The following PCDHA9 variants were observed in gnomAD, a reference collection of about 807,000 sequenced individuals.
PCDHA9 encodes the protein protocadherin alpha-9.
PCDHA9 carries 62 observed loss-of-function variants against 62.0 expected under a neutral mutation model. The ratio of observed to expected loss-of-function variants is 1.00; its 90% CI spans 0.81 to 1.23. PCDHA9 has a LOEUF of 1.23. PCDHA9 is among the 50% of genes most tolerant of loss of function. The pLI, the probability that PCDHA9 is intolerant of heterozygous loss-of-function variation, is 0.00. For missense variants in PCDHA9, 1,205 were observed against 1,249.8 expected, an observed-to-expected ratio of 0.96 and a Z score of 0.54; for synonymous variants, 557 against 567.6, an observed-to-expected ratio of 0.98 and a Z score of 0.27.
rs1333608076 is a variant in PCDHA9, at chr5:140,848,470, A to C, written c.-26A>C. Reference sequence around the variant, plus strand: ...TTCTAATTTGGAGGCAATTTTCACTAATTAGAAGAAGACTGAGTATTTGAA... The same window carrying C: ...TTCTAATTTGGAGGCAATTTTCACTCATTAGAAGAAGACTGAGTATTTGAA... On this transcript the variant is annotated 5_prime_UTR_variant, in exon 1 of 4. Coordinates refer to ENST00000532602, the MANE Select transcript of PCDHA9 (RefSeq NM_031857.2). 3 of 1,552,738 alleles carry C rather than the reference A, an allele frequency of 1.9e-6. No individual in the cohort carries two copies. In the East Asian group the frequency reaches 6.7e-5, roughly 35 times the overall value.
chr5:140,995,086 T>C (rs1182368049), intron 3 of PCDHA9, among the ~76,000 whole-genome samples: 2 of 152,246 alleles, frequency 1.3e-5, no homozygotes, highest in African/African-American at 4.8e-5. Context: ...TCCAAACTTA[T>C]CTGTGGAGAT....
At chr5:140,982,030 C>G (rs2096963361) in intron 2 of PCDHA9, among the ~76,000 whole-genome samples, 1 of 152,196 alleles carries the variant, frequency 6.6e-6, no homozygotes, top group South Asian at 2.1e-4. Flanking sequence ...TGGAACAATA[C>G]TCCAATTATC....
intron 1 of PCDHA9, chr5:140,876,542 T>C (rs782388773): frequency 5.0e-6 from 8 of 1,614,194 alleles, no homozygotes; most frequent in Non-Finnish European, 5.9e-6. Flanking sequence ...TCACTGTCGC[T>C]CCCTGTGCAA....
intron 1 of PCDHA9, chr5:140,967,577 C>G (rs141338011): frequency 1.2e-6 from 2 of 1,614,016 alleles, no homozygotes; most frequent in Non-Finnish European, 1.7e-6. Flanking sequence ...GGAGGACTCA[C>G]CCCCAGGCAC....
intron 1 of PCDHA9, chr5:140,877,122 G>C: frequency 2.5e-6 from 4 of 1,613,718 alleles, no homozygotes; most frequent in Non-Finnish European, 3.4e-6. Context: ...GCAACGTGAC[G>C]CTGCAGGTGT....
At chr5:140,910,479 A>G (rs2075041093) in intron 1 of PCDHA9, among the ~76,000 whole-genome samples, 1 of 152,212 alleles carries the variant, frequency 6.6e-6, no homozygotes. Context: ...AAAATCTGGC[A>G]TACAGAGAAG....
chr5:140,968,135 G>C (rs2096222877), intron 1 of PCDHA9: 2 of 1,614,034 alleles, frequency 1.2e-6, no homozygotes, highest in Non-Finnish European at 1.7e-6. Flanking sequence ...TACACTGAAG[G>C]TTGAGATCTC....
Position 140,850,831 on chromosome 5 carries a change from G to C in PCDHA9, c.2336G>C (p.Cys779Ser), listed in dbSNP as rs981885351. 6.3e-7 allele frequency: 1 copy of C among 1,598,080 alleles called. No homozygotes were observed. The highest frequency in any genetic ancestry group is 8.6e-7 in the Non-Finnish European group (1 of 1,167,568). Residue 779 changes from cysteine (C) to serine (S), a missense_variant, in exon 1 of 4, where the codon TGT (cysteine) becomes TCT (serine). Physicochemically the swap from Cys to Ser is moderately radical, Grantham distance 112. This residue lies in a region of PCDHA9 where 887 missense variants were observed against 809.5 expected (regional missense o/e 1.10). Transcript: ENST00000532602. ...GCCTTCAGCCCGGGCCTTTCTCCTTGTGCTGGATCTACAGAGCGAACGGGA... is the reference window on the plus strand; with the variant it reads ...GCCTTCAGCCCGGGCCTTTCTCCTTCTGCTGGATCTACAGAGCGAACGGGA... ...LMAFSPGLSP[C>S]AGSTERTGEP...
chr5:140,875,192 C>A, intron 1 of PCDHA9: 2 of 509,100 alleles, frequency 3.9e-6, no homozygotes, highest in Non-Finnish European at 6.3e-6. Context: ...AAGAGTGACC[C>A]AGGAAGTGGC....
chr5:140,929,180 G>A, intron 1 of PCDHA9: 1 of 1,614,150 alleles, frequency 6.2e-7, no homozygotes, highest in Non-Finnish European at 8.5e-7. Context: ...CTGGGACTTG[G>A]TTCTGATAAT....
chr5:140,929,201 T>C (rs146014873), intron 1 of PCDHA9: 3 of 1,614,168 alleles, frequency 1.9e-6, no homozygotes, highest in East Asian at 4.5e-5. Flanking sequence ...AACAGTTTGC[T>C]GTTGCGTGGG....
intron 1 of PCDHA9, among the ~76,000 whole-genome samples, chr5:140,978,737 G>A (rs2096820627): frequency 6.6e-6 from 1 of 152,180 alleles, no homozygotes; most frequent in Admixed American, 6.5e-5. Context: ...GGTCTTCCAG[G>A]GTATCTAATC....
chr5:140,974,467 A>C (rs2096628825), intron 1 of PCDHA9, among the ~76,000 whole-genome samples: 1 of 152,228 alleles, frequency 6.6e-6, no homozygotes, highest in Non-Finnish European at 1.5e-5. Context: ...TTCAGAGGAA[A>C]GTATTCCACC....
At chr5:140,867,257 T>C (rs1396352368) in intron 1 of PCDHA9, 1 of 152,138 alleles carries the variant, frequency 6.6e-6, no homozygotes, top group Non-Finnish European at 1.5e-5. Flanking sequence ...TGTTGTTTCC[T>C]TTTGTTCAAA....
intron 1 of PCDHA9, among the ~76,000 whole-genome samples, chr5:140,886,261 T>C (rs1162814294): frequency 1.3e-5 from 2 of 152,036 alleles, no homozygotes; most frequent in African/African-American, 4.8e-5. Context: ...TCTCTATTTA[T>C]AGATAAAATT....
chr5:140,851,376 G>A, intron 1 of PCDHA9: 1 of 976,392 alleles, frequency 1.0e-6, no homozygotes, highest in Non-Finnish European at 1.2e-6. Flanking sequence ...TGATTGTTCA[G>A]CAACCTTCAG....
intron 1 of PCDHA9, among the ~76,000 whole-genome samples, chr5:140,939,338 G>A (rs2092369072): frequency 6.6e-6 from 1 of 152,116 alleles, no homozygotes; most frequent in South Asian, 2.1e-4. Context: ...TTAGGGGTTA[G>A]CATTTCAACT....
chr5:140,966,917 G>T, intron 1 of PCDHA9: 1 of 1,602,580 alleles, frequency 6.2e-7, no homozygotes, highest in Non-Finnish European at 8.5e-7. Context: ...TGTGCCAGAG[G>T]AGCAGGCACC....
intron 3 of PCDHA9, among the ~76,000 whole-genome samples, chr5:140,992,716 G>A (rs1554253146): frequency 6.6e-6 from 1 of 152,160 alleles, no homozygotes; most frequent in African/African-American, 2.4e-5. Flanking sequence ...GCCAGTATTC[G>A]TAAATCCCAC....
Sources: gnomAD v4.1 joint callset for allele counts (sites outside exome capture counted in the v4.1 genomes callset) on GRCh38, gnomAD v4.1.1 for gene constraint, gnomAD v4.1.1 regional missense constraint, MANE v1.5 for transcripts, NCBI Gene and HGNC (gene_info 2026-07-23, HGNC 2026-07-21) for gene names.